PDCD1LG2: variants seen among roughly 807,000 people sequenced by gnomAD.
The protein encoded by PDCD1LG2 is B7 dendritic cell molecule.
In PDCD1LG2, 32 loss-of-function variants were observed where a neutral mutation model predicts 28.2. The ratio of observed to expected loss-of-function variants is 1.13; its 90% CI spans 0.86 to 1.52. The LOEUF is 1.52. Among genes scored for constraint, PDCD1LG2 ranks in the 40% most tolerant of loss-of-function variants. The pLI, the probability that PDCD1LG2 is intolerant of heterozygous loss-of-function variation, is 0.00. For synonymous variants in PDCD1LG2, 116 were observed against 120.2 expected (o/e 0.97, Z 0.23); for missense variants, 385 against 323.8 (o/e 1.19, Z -1.45).
chr9:5,557,141 G>A (rs1488222339), intron 4 of PDCD1LG2, among the ~76,000 whole-genome samples: 1 of 152,094 alleles, frequency 6.6e-6, no homozygotes, highest in Non-Finnish European at 1.5e-5. Flanking sequence ...TTGTCAGTGG[G>A]GGAAAGACAT....
At chr9:5,515,325 G>C (rs1467381977) in intron 1 of PDCD1LG2, among the ~76,000 whole-genome samples, 1 of 152,158 alleles carries the variant, frequency 6.6e-6, no homozygotes, top group Admixed American at 6.5e-5. Context: ...GAACATGTTC[G>C]TTTTTGTCTC....
At chr9:5,537,292 C>G (rs931172459) in intron 3 of PDCD1LG2, among the ~76,000 whole-genome samples, 1 of 152,082 alleles carries the variant, frequency 6.6e-6, no homozygotes, top group Non-Finnish European at 1.5e-5. Flanking sequence ...AGGCTGAATT[C>G]TATTATATAA....
rs757138901 is a variant in PDCD1LG2 at position 5,569,990 on chromosome 9, A to G, written c.*31A>G. On this transcript the variant is annotated 3_prime_UTR_variant, in exon 7 of 7. Transcript: ENST00000397747. The surrounding 1 kb of genome is among the most constrained non-coding windows in gnomAD (Gnocchi z 4.1). ...TGGTCTTGGGAGCCAGGGTGACCTG[A>G]TATGACATCTAAAGAAGCTTCTGGA... The G allele has an allele frequency of 6.8e-6, 11 of 1,613,864 alleles. No homozygotes were observed. The Middle Eastern group carries it at 1.5e-3, about 218-fold the overall frequency.
At chr9:5,542,538 A>G (rs1820706414) in intron 3 of PDCD1LG2, among the ~76,000 whole-genome samples, 2 of 152,240 alleles carry the variant, frequency 1.3e-5, no homozygotes, top group East Asian at 3.8e-4. Flanking sequence ...ACATGAATAG[A>G]CAATTCTCAC....
chr9:5,559,420 C>T (rs1223571299), intron 5 of PDCD1LG2, among the ~76,000 whole-genome samples: 1 of 152,102 alleles, frequency 6.6e-6, no homozygotes, highest in Non-Finnish European at 1.5e-5. Flanking sequence ...ACTTGTGTGC[C>T]ATGGAAAAGG....
chr9:5,565,837 C>G (rs1239657069), intron 6 of PDCD1LG2, among the ~76,000 whole-genome samples: 2 of 151,800 alleles, frequency 1.3e-5, no homozygotes, highest in African/African-American at 4.8e-5. Context: ...TTAGTTGAGT[C>G]TATCAACTCA....
chr9:5,528,122 G>A (rs1047097936), intron 2 of PDCD1LG2, among the ~76,000 whole-genome samples: 3 of 150,388 alleles, frequency 2.0e-5, no homozygotes, highest in South Asian at 2.1e-4. Context: ...GAGCCACCAC[G>A]CCCTGCTCTT....
At chr9:5,567,043 G>A (rs986186555) in intron 6 of PDCD1LG2, among the ~76,000 whole-genome samples, 1 of 152,056 alleles carries the variant, frequency 6.6e-6, no homozygotes, top group African/African-American at 2.4e-5. Flanking sequence ...ATTTTTGAGT[G>A]CCCTGATGTA....
intron 1 of PDCD1LG2, among the ~76,000 whole-genome samples, chr9:5,511,520 C>G (rs1270196970): frequency 2.0e-5 from 3 of 152,138 alleles, no homozygotes; most frequent in Non-Finnish European, 1.5e-5. Context: ...ACCAACTAAT[C>G]AGGACTTTTA....
At chr9:5,518,021 G>A (rs1820199954) in intron 1 of PDCD1LG2, among the ~76,000 whole-genome samples, 1 of 152,192 alleles carries the variant, frequency 6.6e-6, no homozygotes, top group Admixed American at 6.5e-5. Context: ...GTATCCAGGA[G>A]GGAGAATTAA....
chr9:5,516,980 C>CG (rs1563819698), intron 1 of PDCD1LG2, among the ~76,000 whole-genome samples: 2 of 152,176 alleles, frequency 1.3e-5, no homozygotes, highest in African/African-American at 4.8e-5. Context: ...CAACTCAGTA[C>CG]GGGGCGGGAC....
rs1191746043 is a variant in PDCD1LG2 at position 5,557,679 on chromosome 9, C to G, written c.693C>G (p.Ile231Met). 4 of 1,613,456 alleles carry G rather than the reference C, an allele frequency of 2.5e-6. No homozygotes were observed. The South Asian group carries it at 3.3e-5, about 13-fold the overall frequency. ...TTCACATTTTCATCCCCTTCTGCATCATTGCTTTCATTTTCATAGCCACAG... is the reference window on the plus strand; with the variant it reads ...TTCACATTTTCATCCCCTTCTGCATGATTGCTTTCATTTTCATAGCCACAG... The part of the protein sequence containing the change: ...WLLHIFIPFC[I>M]IAFIFIATVI... Residue 231 changes from isoleucine (I) to methionine (M), a missense_variant, in exon 5 of 7, where the codon ATC (isoleucine) becomes ATG (methionine). Coordinates refer to ENST00000397747, the MANE Select transcript of PDCD1LG2 (RefSeq NM_025239.4).
At chr9:5,550,587 C>T (rs1427552747) in intron 4 of PDCD1LG2, among the ~76,000 whole-genome samples, 2 of 152,162 alleles carry the variant, frequency 1.3e-5, no homozygotes, top group Admixed American at 6.5e-5. Flanking sequence ...CTGTCTTTTC[C>T]AGCTGCTAGA....
At chr9:5,557,549 T>C in intron 4 of PDCD1LG2, 69 bp from the exon 5 acceptor site, 1 of 1,562,232 alleles carries the variant, frequency 6.4e-7, no homozygotes, top group East Asian at 2.2e-5. Context: ...CACCCACTCA[T>C]GTGGCCAGCC....
chr9:5,568,806 A>G (rs1006187560), intron 6 of PDCD1LG2, among the ~76,000 whole-genome samples: 20 of 152,326 alleles, frequency 1.3e-4, no homozygotes, highest in African/African-American at 4.6e-4. Context: ...TGAATTTTTA[A>G]TGGTGTGAAA....
intron 6 of PDCD1LG2, among the ~76,000 whole-genome samples, chr9:5,565,715 C>T (rs974762256): frequency 2.0e-5 from 3 of 151,884 alleles, no homozygotes; most frequent in African/African-American, 4.8e-5. Flanking sequence ...TCTTTCTGTC[C>T]GTTTATCAAT....
intron 6 of PDCD1LG2, among the ~76,000 whole-genome samples, chr9:5,568,614 A>G (rs1429128962): frequency 6.6e-6 from 1 of 152,162 alleles, no homozygotes; most frequent in African/African-American, 2.4e-5. Context: ...TATTTGGAAA[A>G]TCATGTAGCT....
chr9:5,521,935 G>A (rs897256207), intron 1 of PDCD1LG2, among the ~76,000 whole-genome samples: 5 of 152,136 alleles, frequency 3.3e-5, no homozygotes, highest in African/African-American at 4.8e-5. Context: ...TGGGGCATTC[G>A]CAGCCCCCAC....
At chr9:5,522,691 G>C (rs1820299257) in intron 2 of PDCD1LG2, 90 bp downstream of exon 2, 1 of 1,165,222 alleles carries the variant, frequency 8.6e-7, no homozygotes, top group African/African-American at 1.5e-5. Flanking sequence ...CCCTCAGGCT[G>C]AGGGCTTTCT....
Sources: gnomAD v4.1 joint callset for allele counts (sites outside exome capture counted in the v4.1 genomes callset) on GRCh38, gnomAD v4.1.1 for gene constraint, Gnocchi (gnomAD v3.1) non-coding constraint, MANE v1.5 for transcripts, NCBI Gene and HGNC (gene_info 2026-07-23, HGNC 2026-07-21) for gene names.